The following SCAI variants were observed in gnomAD, a reference collection of about 807,000 sequenced individuals.
SCAI encodes protein SCAI.
SCAI carries 24 observed loss-of-function variants against 92.2 expected under a neutral mutation model. The ratio of observed to expected loss-of-function variants is 0.26; its 90% CI spans 0.19 to 0.37. The LOEUF (loss-of-function observed/expected upper bound fraction) is 0.37. Among genes scored for constraint, SCAI ranks in the 10% least tolerant of loss-of-function variants. The probability of loss-of-function intolerance (pLI) is 1.00; values close to 1 mark genes in which losing one functional copy is unlikely to be tolerated. For missense variants in SCAI, 450 were observed against 736.2 expected (o/e 0.61, Z 4.50); for synonymous variants, 261 against 258.6 (o/e 1.01, Z -0.09).
At chr9:125,038,289 C>T (rs998043734) in intron 3 of SCAI, among the ~76,000 whole-genome samples, 1 of 152,182 alleles carries the variant, frequency 6.6e-6, no homozygotes, top group Non-Finnish European at 1.5e-5. Context: ...CCTTTTAAAG[C>T]ATCATTGAGA....
chr9:125,044,045 A>C (rs1833385595), intron 3 of SCAI, among the ~76,000 whole-genome samples: 1 of 152,074 alleles, frequency 6.6e-6, no homozygotes, highest in South Asian at 2.1e-4. Flanking sequence ...GGCCTCTCCC[A>C]GCTCCTGGCA....
chr9:124,961,892 T>C (rs923934778), intron 17 of SCAI, among the ~76,000 whole-genome samples: 10 of 151,088 alleles, frequency 6.6e-5, no homozygotes, highest in South Asian at 2.1e-4. Context: ...TTTTTTTTTT[T>C]CCAGAAAAGG....
intron 17 of SCAI, among the ~76,000 whole-genome samples, chr9:124,953,617 T>G (rs1019900573): frequency 6.6e-6 from 1 of 151,480 alleles, no homozygotes; most frequent in African/African-American, 2.4e-5. Flanking sequence ...TTCACCATGT[T>G]GGCCAGCCTG....
chr9:125,141,561 G>A (rs992304596), intron 2 of SCAI, among the ~76,000 whole-genome samples: 1 of 152,158 alleles, frequency 6.6e-6, no homozygotes, highest in Non-Finnish European at 1.5e-5. Flanking sequence ...CTTTGTTTGT[G>A]GACTACTTAA....
chr9:125,106,862 G>GAT (rs1186007148), intron 2 of SCAI, among the ~76,000 whole-genome samples: 8 of 81,060 alleles, frequency 9.9e-5, no homozygotes, highest in African/African-American at 3.8e-4. Flanking sequence ...CACCATGCCT[G>GAT]GTTAATTTTT....
chr9:125,031,967 C>A (rs1833081694), intron 3 of SCAI, among the ~76,000 whole-genome samples: 1 of 151,728 alleles, frequency 6.6e-6, no homozygotes, highest in African/African-American at 2.4e-5. Flanking sequence ...TTTCTGGGCC[C>A]CCTACTCCTT....
chr9:125,119,665 G>A (rs1835118896), intron 2 of SCAI, among the ~76,000 whole-genome samples: 1 of 152,172 alleles, frequency 6.6e-6, no homozygotes, highest in Admixed American at 6.5e-5. Context: ...TAACTTAGTG[G>A]CTTAAAACAA....
intron 3 of SCAI, among the ~76,000 whole-genome samples, chr9:125,037,048 C>G (rs1424321024): frequency 1.3e-5 from 2 of 152,114 alleles, no homozygotes; most frequent in African/African-American, 4.8e-5. Flanking sequence ...GCAGGCTGAT[C>G]ACCTGAGGTC....
chr9:124,962,169 TTGC>T lies in SCAI; in HGVS notation c.1674+9198_1674+9200del, dbSNP rs1564358538. On this transcript the variant is annotated intron_variant, in intron 17 of 17. Transcript: ENST00000336505. ...ATATGTCTTTTTTTTTTTTTTTTTT[TTGC>T]GGGGGGGGATGGAGTCTTGCTCTGT... Among the ~76,000 whole-genome samples the T allele has an allele frequency of 5.2e-3, 604 of 115,226 alleles. 11 individuals carry two copies. Among genetic ancestry groups the T allele is most frequent in the Non-Finnish European group, 6.5e-3 (375 of 57,340 alleles). 75.6% of individuals were successfully genotyped at this position (115,226 alleles called of 152,430 possible).
chr9:125,100,851 T>C (rs919461055), intron 2 of SCAI, among the ~76,000 whole-genome samples: 32 of 152,168 alleles, frequency 2.1e-4, no homozygotes, highest in African/African-American at 7.5e-4. Flanking sequence ...AAAATTATTC[T>C]AGGCAGAGAA....
intron 9 of SCAI, among the ~76,000 whole-genome samples, chr9:125,013,867 G>A (rs1421987603): frequency 1.3e-5 from 2 of 152,132 alleles, no homozygotes; most frequent in African/African-American, 4.8e-5. Flanking sequence ...ATGCAAGGCT[G>A]GTTCAATATA....
In SCAI at chr9:125,003,541, C is replaced by T; in HGVS notation, c.891G>A (p.Met297Ile). 2 of 1,611,834 alleles carry T rather than the reference C, an allele frequency of 1.2e-6. No individual in the cohort carries two copies. The highest frequency in any genetic ancestry group is 1.1e-5 in the South Asian group (1 of 91,032). Residue 297 changes from methionine to isoleucine, a missense_variant, in exon 10 of 18, where the codon ATG becomes ATA. Met to Ile is a conservative substitution (Grantham distance 10). Transcript: ENST00000336505. ...QVKFSELTVD[M>I]FRMLQALERE... ...TTTCCAGAGCTTGTAACATCCGGAA[C>T]ATGTCAACAGTTAGTTCACTGAACT... is the stretch of plus-strand genomic sequence containing the variant.
intron 6 of SCAI, among the ~76,000 whole-genome samples, chr9:125,025,440 A>G (rs1832948793): frequency 6.6e-6 from 1 of 152,252 alleles, no homozygotes; most frequent in Admixed American, 6.5e-5. Context: ...AATGCAGAAA[A>G]GTAAATTATA....
intron 4 of SCAI, among the ~76,000 whole-genome samples, chr9:125,029,067 G>A (rs1198990656): frequency 6.6e-6 from 1 of 151,828 alleles, no homozygotes; most frequent in African/African-American, 2.4e-5. Flanking sequence ...TAAAGTGCTG[G>A]GATTACAGAC....
chr9:124,987,166 G>A (rs1319964481), intron 14 of SCAI, among the ~76,000 whole-genome samples: 1 of 152,018 alleles, frequency 6.6e-6, no homozygotes, highest in Non-Finnish European at 1.5e-5. Context: ...TGGGATTACA[G>A]GCATGTGCCA....
intron 6 of SCAI, among the ~76,000 whole-genome samples, chr9:125,022,885 C>A (rs912604686): frequency 2.0e-5 from 3 of 152,106 alleles, no homozygotes; most frequent in Admixed American, 2.0e-4. Flanking sequence ...ATTTTCCCTT[C>A]CTGCCTTTCA....
At chr9:124,968,944 G>GAAA in intron 17 of SCAI, 28 of 249,626 alleles carry the variant, frequency 1.1e-4, no homozygotes, top group Admixed American at 2.3e-4. Context: ...TTATTTTTTG[G>GAAA]AAAAAAAAAA....
intron 9 of SCAI, among the ~76,000 whole-genome samples, chr9:125,004,729 T>G (rs1223795444): frequency 9.1e-6 from 1 of 109,670 alleles, no homozygotes; most frequent in Non-Finnish European, 1.8e-5. Context: ...AATACAACTG[T>G]GATCCATATA....
At chr9:125,048,874 T>C (rs1232479263) in intron 3 of SCAI, among the ~76,000 whole-genome samples, 2 of 151,922 alleles carry the variant, frequency 1.3e-5, no homozygotes, top group Admixed American at 6.6e-5. Context: ...GCCTCCCAAG[T>C]AGCTGGGATT....
Sources: gnomAD v4.1 joint callset for allele counts (sites outside exome capture counted in the v4.1 genomes callset) on GRCh38, gnomAD v4.1.1 for gene constraint, MANE v1.5 for transcripts, NCBI Gene and HGNC (gene_info 2026-07-23, HGNC 2026-07-21) for gene names.